MCM3AP: variants seen among roughly 807,000 people sequenced by gnomAD.
MCM3AP encodes the protein germinal-center associated nuclear protein.
Under a neutral mutation model 184.1 loss-of-function variants are expected in MCM3AP, and 126 were observed. The observed-to-expected ratio is 0.68, with a 90% CI of 0.59 to 0.79. MCM3AP has a LOEUF of 0.79. Ranked by LOEUF, MCM3AP falls within the 30% of genes least tolerant of loss-of-function variation. The probability of loss-of-function intolerance (pLI) is 0.00; values close to 1 mark genes in which losing one functional copy is unlikely to be tolerated. For missense variants in MCM3AP, 2,496 were observed against 2,479.2 expected, an observed-to-expected ratio of 1.01 and a Z score of -0.14; for synonymous variants, 1,002 against 979.3, an observed-to-expected ratio of 1.02 and a Z score of -0.43.
chr21:46,241,772 C>G (rs1339619046), intron 25 of MCM3AP: 1 of 152,220 alleles, frequency 6.6e-6, no homozygotes, highest in Non-Finnish European at 1.5e-5. Context: ...CTCAATGGTT[C>G]AGGTTTCCTT....
chr21:46,261,205 A>G (rs1180149742), intron 14 of MCM3AP, 75 bp downstream of exon 14: 16 of 1,557,618 alleles, frequency 1.0e-5, no homozygotes, highest in Non-Finnish European at 1.3e-5. Flanking sequence ...TAGCAGGAGC[A>G]TCGTGGCTAG....
At chr21:46,261,495 G>A (rs2081040967) in intron 13 of MCM3AP, 84 bp from the exon 14 acceptor site, 2 of 1,267,708 alleles carry the variant, frequency 1.6e-6, no homozygotes, top group South Asian at 2.5e-5. Flanking sequence ...AGCACTTTGG[G>A]AGGCTGAGGT....
At chr21:46,246,234 C>T in intron 22 of MCM3AP, 73 bp downstream of exon 22, 2 of 903,800 alleles carry the variant, frequency 2.2e-6, no homozygotes, top group Non-Finnish European at 3.7e-6. Context: ...CTAATATACA[C>T]TCAATTCAAG....
At chr21:46,239,988 TGAG>T (rs2080626971) in intron 26 of MCM3AP, among the ~76,000 whole-genome samples, 2 of 152,126 alleles carry the variant, frequency 1.3e-5, no homozygotes, top group Admixed American at 1.3e-4. Flanking sequence ...CAAGCGTTTT[TGAG>T]GAGTTTTACC....
chr21:46,241,081 G>A (rs2080655334), intron 25 of MCM3AP, 64 bp from the exon 26 acceptor site: 1 of 1,194,334 alleles, frequency 8.4e-7, no homozygotes, highest in Non-Finnish European at 1.2e-6. Flanking sequence ...ATCATGTAAA[G>A]CATGTAGATA....
chr21:46,258,570 T>A (rs1188103031), intron 16 of MCM3AP, among the ~76,000 whole-genome samples: 1 of 152,220 alleles, frequency 6.6e-6, no homozygotes, highest in Non-Finnish European at 1.5e-5. Context: ...TACTTATATT[T>A]TGAGAATTCA....
intron 20 of MCM3AP, among the ~76,000 whole-genome samples, chr21:46,248,085 C>T (rs917746265): frequency 2.0e-5 from 3 of 152,186 alleles, no homozygotes; most frequent in African/African-American, 7.2e-5. Context: ...GATGCCATAC[C>T]TAAAGGCTGC....
In MCM3AP at chr21:46,284,459, T is replaced by G; in HGVS notation, c.828A>C (p.Glu276Asp). The G allele has an allele frequency of 2.5e-6, 4 of 1,614,190 alleles. No individual in the cohort carries two copies. Among genetic ancestry groups the G allele is most frequent in the Non-Finnish European group, 2.5e-6 (3 of 1,180,034 alleles). ...GAAGTGGTTCCACCTGGGAAACAGC[T>G]TCTTCACACCCCTGCCTGACACCTG... Reference protein sequence around the residue: ...SKAGVRQGCEEAVSQVEPLPS... With the variant: ...SKAGVRQGCEDAVSQVEPLPS... The change falls in exon 1 of 28, where the codon GAA (glutamate) becomes GAC (aspartate). Residue 276 changes from glutamate to aspartate, a missense_variant. By Grantham distance (45) the Glu-to-Asp change is conservative (BLOSUM62 2). Coordinates refer to ENST00000291688, the MANE Select transcript of MCM3AP (RefSeq NM_003906.5).
chr21:46,285,180 G>T lies in MCM3AP; in HGVS notation c.107C>A (p.Pro36His). 1.2e-6 allele frequency: 2 copies of T among 1,614,170 alleles called. No homozygotes were observed. The highest frequency in any genetic ancestry group is 2.2e-5 in the East Asian group (1 of 44,888). Residue 36 changes from proline (P) to histidine (H), a missense_variant, in exon 1 of 28, where the codon CCT becomes CAT. Pro to His is a moderately conservative substitution (Grantham distance 77). Transcript: ENST00000291688. ...PSKPPFRFGQ[P>H]SLFGQNSTLS... The stretch of plus-strand genomic sequence containing the variant: ...GGTACTGTTTTGTCCAAAAAGAGAA[G>T]GTTGACCAAATCGAAATGGCGGCTT...
chr21:46,276,739 C>CT (rs2081260644), intron 5 of MCM3AP, among the ~76,000 whole-genome samples: 2 of 119,040 alleles, frequency 1.7e-5, no homozygotes, highest in Non-Finnish European at 1.9e-5. Context: ...CCACGCCCAG[C>CT]ATTTTTTTTT....
intron 17 of MCM3AP, among the ~76,000 whole-genome samples, chr21:46,255,587 C>T (rs113447808): frequency 4.2e-4 from 64 of 152,074 alleles, no homozygotes; most frequent in Non-Finnish European, 7.1e-4. Flanking sequence ...GAGGACAGGA[C>T]GGCATCCTAT....
chr21:46,273,354 A>AT (rs777681193), intron 7 of MCM3AP, 34 bp downstream of exon 7: 1 of 1,593,960 alleles, frequency 6.3e-7, no homozygotes, highest in Non-Finnish European at 8.6e-7. Flanking sequence ...ATTTGCGTGG[A>AT]TTTTTTAGCA....
At position 46,256,733 on chromosome 21, in the gene MCM3AP, T is replaced by C. The variant is rs188906561; in HGVS notation, c.3932+56A>G. 3.9e-6 allele frequency: 6 copies of C among 1,522,312 alleles called. No homozygotes were observed. In the East Asian group the frequency reaches 1.5e-4, roughly 38 times the overall value. 94.3% of individuals were successfully genotyped at this position (1,522,312 alleles called of 1,614,324 possible). On this transcript the variant is annotated intron_variant, in intron 17 of 27. Coordinates refer to ENST00000291688, the MANE Select transcript of MCM3AP (RefSeq NM_003906.5). ...ACACACACATTAATTCCGCTCCTGG[T>C]AAAACCAAGTGGGGGCAGGGGAGCC...
Position 46,236,922 on chromosome 21 carries a change from T to TA in MCM3AP, c.5690dup (p.Leu1897PhefsTer20). On this transcript the variant is annotated frameshift_variant, in exon 27 of 28. Transcript: ENST00000291688. LOFTEE classifies it high-confidence loss of function. ...GAGGAAGATAGAGGGGAAGGGAAGT[T>TA]AAATCCGTAAATGCTCCTGAGTCTT... The TA allele has an allele frequency of 1.3e-6, 2 of 1,577,454 alleles. No homozygotes were observed. Among genetic ancestry groups the TA allele is most frequent in the Non-Finnish European group, 1.7e-6 (2 of 1,167,190 alleles).
In MCM3AP at chr21:46,241,018, CTG is replaced by C. The variant is rs754407657; in HGVS notation, c.5427-3_5427-2del. On this transcript the variant is annotated splice_acceptor_variant and splice_polypyrimidine_tract_variant and intron_variant, in intron 25 of 27. Transcript: ENST00000291688. LOFTEE classifies it high-confidence loss of function. ...AGGATGAAAAGGCTTTATTGCCAAA[CTG>C]TAAGTACATGATTTGAAATGTTTAT... 6.2e-7 allele frequency: 1 copy of C among 1,605,596 alleles called. No homozygotes were observed. The highest frequency in any genetic ancestry group is 8.5e-7 in the Non-Finnish European group (1 of 1,173,640).
chr21:46,274,915 G>T (rs140386726), intron 6 of MCM3AP, among the ~76,000 whole-genome samples: 1 of 141,638 alleles, frequency 7.1e-6, no homozygotes, highest in African/African-American at 2.6e-5. Flanking sequence ...CTTCAGCCTA[G>T]GTGACAGAGT....
At position 46,246,692 on chromosome 21, in the gene MCM3AP, C is replaced by G. The variant is rs1288346073; in HGVS notation, c.4485G>C (p.Ala1495=). Residue 1495 remains alanine (A), a synonymous_variant, in exon 21 of 28, where the codon GCG becomes GCC. Coordinates refer to ENST00000291688, the MANE Select transcript of MCM3AP (RefSeq NM_003906.5). The part of the protein sequence containing the change: ...QLLQAKPFQP[A]LPLVVLVPSP... ...TAGGCACAAGAACCACCAGAGGAAG[C>G]GCAGGCTGGAAGGGCTTAGCCTGCA... is the stretch of plus-strand genomic sequence containing the variant. 6.2e-7 allele frequency: 1 copy of G among 1,614,226 alleles called. No individual in the cohort carries two copies. The highest frequency in any genetic ancestry group is 8.5e-7 in the Non-Finnish European group (1 of 1,180,026).
intron 13 of MCM3AP, among the ~76,000 whole-genome samples, chr21:46,263,779 T>TAAAAA (rs2081071691): frequency 7.7e-5 from 1 of 13,006 alleles, no homozygotes; most frequent in Non-Finnish European, 1.5e-4. Flanking sequence ...AGACTCCATC[T>TAAAAA]CAAAAAAAAA....
At chr21:46,266,915 A>G in intron 10 of MCM3AP, 67 bp downstream of exon 10, 1 of 1,552,778 alleles carries the variant, frequency 6.4e-7, no homozygotes, top group Admixed American at 1.8e-5. Flanking sequence ...AGCCCTTCAC[A>G]GCCCTTCATC....
Sources: allele counts gnomAD v4.1 joint callset (sites outside exome capture counted in the v4.1 genomes callset), GRCh38; gene constraint gnomAD v4.1.1; transcripts MANE v1.5; gene names NCBI Gene and HGNC (gene_info 2026-07-23, HGNC 2026-07-21).